The following GFRAL variants were observed in gnomAD, a reference collection of about 807,000 sequenced individuals.
The protein encoded by GFRAL is GDNF family receptor alpha like.
GFRAL carries 36 observed loss-of-function variants against 45.4 expected under a neutral mutation model. That is an observed-to-expected ratio of 0.79 (90% confidence interval 0.61 to 1.05). The LOEUF (loss-of-function observed/expected upper bound fraction) is 1.05. GFRAL is among the 50% of genes least tolerant of loss of function. The pLI, the probability that GFRAL is intolerant of heterozygous loss-of-function variation, is 0.00. For missense variants in GFRAL, 507 were observed against 467.5 expected (o/e 1.08, Z -0.78); for synonymous variants, 166 against 154.1 (o/e 1.08, Z -0.57).
At chr6:55,377,066 C>T (rs1384498101) in intron 6 of GFRAL, among the ~76,000 whole-genome samples, 2 of 152,018 alleles carry the variant, frequency 1.3e-5, no homozygotes, top group Non-Finnish European at 2.9e-5. Context: ...GTGAGCCATT[C>T]ATACTATCAC....
intron 6 of GFRAL, among the ~76,000 whole-genome samples, chr6:55,381,518 A>G (rs1768607212): frequency 6.6e-6 from 1 of 151,936 alleles, no homozygotes; most frequent in Non-Finnish European, 1.5e-5. Context: ...GTCTGGGTTT[A>G]AAAATAACAT....
chr6:55,332,430 TTTTA>T (rs1767842418), intron 2 of GFRAL, among the ~76,000 whole-genome samples: 1 of 148,236 alleles, frequency 6.7e-6, no homozygotes, highest in Middle Eastern at 3.4e-3. Flanking sequence ...TTCTTTTTTT[TTTTA>T]TTTTGAGACT....
chr6:55,347,612 A>G (rs1175603282), intron 3 of GFRAL, among the ~76,000 whole-genome samples: 1 of 152,166 alleles, frequency 6.6e-6, no homozygotes, highest in Non-Finnish European at 1.5e-5. Context: ...ATAAGGATGA[A>G]TAATTAATAT....
At chr6:55,335,313 G>T (rs1258627822) in intron 3 of GFRAL, among the ~76,000 whole-genome samples, 1 of 151,994 alleles carries the variant, frequency 6.6e-6, no homozygotes, top group African/African-American at 2.4e-5. Flanking sequence ...TTTTAAAATT[G>T]GTGTTTGGTT....
chr6:55,357,429 T>C (rs1768209543), intron 5 of GFRAL, among the ~76,000 whole-genome samples: 1 of 151,422 alleles, frequency 6.6e-6, no homozygotes, highest in African/African-American at 2.4e-5. Flanking sequence ...CTTCTTTATC[T>C]TTTTATAGTT....
Position 55,350,108 on chromosome 6 carries a change from TA to T in GFRAL, c.336del (p.Lys112AsnfsTer6). The T allele has an allele frequency of 6.5e-7, 1 of 1,538,726 alleles. No homozygotes were observed. The highest frequency in any genetic ancestry group is 9.0e-7 in the Non-Finnish European group (1 of 1,112,912). On this transcript the variant is annotated frameshift_variant, in exon 4 of 9. Coordinates refer to ENST00000340465, the MANE Select transcript of GFRAL (RefSeq NM_207410.2). LOFTEE classifies it high-confidence loss of function. ...INKSDNVKEDKFKWNLTTRSH... is the reference protein window; with the variant it reads ...INKSDNVKEDXFKWNLTTRSH... The stretch of plus-strand genomic sequence containing the variant: ...TCCTTCTAGATAACGTGAAAGAGGA[TA>T]AATTCAAATGGAATCTAACTACACG...
intron 6 of GFRAL, among the ~76,000 whole-genome samples, chr6:55,384,575 G>A (rs189896039): frequency 6.6e-6 from 1 of 152,190 alleles, no homozygotes; most frequent in Admixed American, 6.5e-5. Context: ...CAAGCACACT[G>A]TGTTTAGAAA....
intron 5 of GFRAL, among the ~76,000 whole-genome samples, chr6:55,357,713 T>C (rs9464230): frequency 0.16 from 24,749 of 151,730 alleles, 2,333 homozygotes; most frequent in African/African-American, 0.25. Flanking sequence ...AGTAGTATTT[T>C]ATTTTTAATT....
chr6:55,366,447 C>T (rs1033046369), intron 6 of GFRAL, among the ~76,000 whole-genome samples: 1 of 144,670 alleles, frequency 6.9e-6, no homozygotes, highest in Non-Finnish European at 1.5e-5. Flanking sequence ...TCCTTCAGTT[C>T]TGCTCTGATT....
intron 6 of GFRAL, among the ~76,000 whole-genome samples, chr6:55,380,172 T>C (rs749393685): frequency 6.6e-6 from 1 of 151,986 alleles, no homozygotes; most frequent in Non-Finnish European, 1.5e-5. Flanking sequence ...TTGGTAGTTC[T>C]AGTTTTAATT....
intron 6 of GFRAL, among the ~76,000 whole-genome samples, chr6:55,388,230 CAA>C (rs140891208): frequency 7.9e-5 from 12 of 151,858 alleles, no homozygotes; most frequent in African/African-American, 2.9e-4. Context: ...TAGTGTCTTT[CAA>C]AAAAAACTCA....
At chr6:55,331,476 G>A (rs1019456893) in intron 1 of GFRAL, among the ~76,000 whole-genome samples, 13 of 152,042 alleles carry the variant, frequency 8.6e-5, no homozygotes, top group East Asian at 1.9e-4. Context: ...TAAATTATAA[G>A]TTGAGGAATA....
intron 3 of GFRAL, among the ~76,000 whole-genome samples, chr6:55,340,738 G>A (rs1027173310): frequency 6.6e-5 from 10 of 152,248 alleles, no homozygotes; most frequent in Non-Finnish European, 1.0e-4. Flanking sequence ...TGCCTCACCC[G>A]GGAAGCACAA....
intron 6 of GFRAL, among the ~76,000 whole-genome samples, chr6:55,366,117 C>A (rs1318767254): frequency 6.6e-6 from 1 of 151,792 alleles, no homozygotes; most frequent in African/African-American, 2.4e-5. Flanking sequence ...ACAATTTCAG[C>A]TCCTGTTATT....
intron 6 of GFRAL, among the ~76,000 whole-genome samples, chr6:55,363,322 C>A (rs1421475364): frequency 6.6e-6 from 1 of 152,004 alleles, no homozygotes; most frequent in East Asian, 1.9e-4. Context: ...GATACACACA[C>A]ACATTTTTTA....
chr6:55,331,644 A>G, intron 1 of GFRAL, 71 bp from the exon 2 acceptor site: 1 of 1,408,334 alleles, frequency 7.1e-7, no homozygotes, highest in Admixed American at 2.1e-5. Context: ...CTTTATCATT[A>G]ATAACTTAGA....
chr6:55,343,567 AGAAAGCAG>A (rs1469459226), intron 3 of GFRAL, among the ~76,000 whole-genome samples: 2 of 152,236 alleles, frequency 1.3e-5, no homozygotes, highest in African/African-American at 4.8e-5. Context: ...TGCCCACAAA[AGAAAGCAG>A]GAAAGATCTA....
chr6:55,342,744 G>A (rs951782078), intron 3 of GFRAL, among the ~76,000 whole-genome samples: 5 of 152,062 alleles, frequency 3.3e-5, no homozygotes, highest in African/African-American at 1.2e-4. Flanking sequence ...ATTGGATAAA[G>A]AGTCAAGACC....
At chr6:55,338,248 C>G (rs1266253749) in intron 3 of GFRAL, among the ~76,000 whole-genome samples, 1 of 152,056 alleles carries the variant, frequency 6.6e-6, no homozygotes, top group Non-Finnish European at 1.5e-5. Context: ...TGCCACCACA[C>G]CTGGCTGATT....
Sources: allele counts gnomAD v4.1 joint callset (sites outside exome capture counted in the v4.1 genomes callset), GRCh38; gene constraint gnomAD v4.1.1; transcripts MANE v1.5; gene names NCBI Gene and HGNC (gene_info 2026-07-23, HGNC 2026-07-21).